TMTC2: variants seen among roughly 807,000 people sequenced by gnomAD.
TMTC2 encodes the protein transmembrane O-mannosyltransferase targeting cadherins 2, also known as protein O-mannosyl-transferase TMTC2.
In TMTC2, 43 loss-of-function variants were observed where a neutral mutation model predicts 82.4. That is an observed-to-expected ratio of 0.52 (90% confidence interval 0.41 to 0.67). The LOEUF (loss-of-function observed/expected upper bound fraction) is 0.67, where lower values mean the gene tolerates loss of function less well. Among genes scored for constraint, TMTC2 ranks in the 30% least tolerant of loss-of-function variants. The pLI is 0.00. For missense variants in TMTC2, 919 were observed against 1,012.4 expected, an observed-to-expected ratio of 0.91 and a Z score of 1.25; for synonymous variants, 408 against 381.9, an observed-to-expected ratio of 1.07 and a Z score of -0.80.
At chr12:82,790,843 G>GAAAGAA (rs1023494871) in intron 1 of TMTC2, among the ~76,000 whole-genome samples, 3 of 147,872 alleles carry the variant, frequency 2.0e-5, no homozygotes, top group Admixed American at 6.8e-5. Context: ...AAAAAAAAAA[G>GAAAGAA]AAAGAAAAAG....
intron 1 of TMTC2, among the ~76,000 whole-genome samples, chr12:82,765,499 A>T (rs1413038207): frequency 1.3e-5 from 2 of 151,806 alleles, no homozygotes; most frequent in African/African-American, 4.8e-5. Context: ...ACATCAAGAA[A>T]CCCCGTCTCT....
chr12:82,929,769 G>T (rs2137241915), intron 3 of TMTC2, among the ~76,000 whole-genome samples: 1 of 152,180 alleles, frequency 6.6e-6, no homozygotes. Context: ...TGTGCCTTTT[G>T]TTATTTTTAA....
chr12:82,975,653 G>A (rs891208055), intron 7 of TMTC2, among the ~76,000 whole-genome samples: 1 of 151,960 alleles, frequency 6.6e-6, no homozygotes, highest in African/African-American at 2.4e-5. Context: ...ATTATTCATT[G>A]CCTATTATGG....
intron 4 of TMTC2, among the ~76,000 whole-genome samples, chr12:82,931,916 C>T (rs755343437): frequency 1.6e-4 from 25 of 152,050 alleles, no homozygotes; most frequent in South Asian, 2.1e-4. Context: ...GGAGGGGCAA[C>T]GAGTCACTTC....
intron 2 of TMTC2, among the ~76,000 whole-genome samples, chr12:82,866,291 T>G (rs1871858424): frequency 6.6e-6 from 1 of 151,468 alleles, no homozygotes; most frequent in Non-Finnish European, 1.5e-5. Context: ...CCTGTGTCCC[T>G]TCTCCCAACC....
At chr12:83,125,599 G>C (rs1393092064) in intron 11 of TMTC2, among the ~76,000 whole-genome samples, 2 of 152,134 alleles carry the variant, frequency 1.3e-5, no homozygotes, top group African/African-American at 4.8e-5. Flanking sequence ...CCCAATCTCA[G>C]ATTTTAGCTT....
At chr12:82,989,877 C>T (rs1361471978) in intron 8 of TMTC2, among the ~76,000 whole-genome samples, 1 of 151,754 alleles carries the variant, frequency 6.6e-6, no homozygotes, top group Non-Finnish European at 1.5e-5. Flanking sequence ...TTCCGACTTG[C>T]TGATTAGATG....
chr12:82,733,005 CTAATATA>C (rs1874906792), intron 1 of TMTC2, among the ~76,000 whole-genome samples: 1 of 152,164 alleles, frequency 6.6e-6, no homozygotes. Flanking sequence ...TAGGCATTGA[CTAATATA>C]TAAGACATCT....
chr12:82,921,470 A>T (rs1022644835), intron 3 of TMTC2, among the ~76,000 whole-genome samples: 1 of 152,128 alleles, frequency 6.6e-6, no homozygotes, highest in African/African-American at 2.4e-5. Flanking sequence ...TGTTATTTTT[A>T]TTATAATTTT....
intron 1 of TMTC2, among the ~76,000 whole-genome samples, chr12:82,772,668 A>G (rs1417040504): frequency 6.6e-6 from 1 of 152,200 alleles, no homozygotes; most frequent in Non-Finnish European, 1.5e-5. Context: ...CTTAGAGTTA[A>G]TTATCCCTGT....
intron 11 of TMTC2, among the ~76,000 whole-genome samples, chr12:83,065,287 A>T (rs1236979288): frequency 6.6e-6 from 1 of 151,932 alleles, no homozygotes; most frequent in East Asian, 1.9e-4. Context: ...TTTTCCACAT[A>T]ATTTACTTTG....
At chr12:82,843,236 G>C (rs758629750) in intron 1 of TMTC2, among the ~76,000 whole-genome samples, 3 of 151,938 alleles carry the variant, frequency 2.0e-5, no homozygotes, top group African/African-American at 4.8e-5. Context: ...ACAGGTGCCC[G>C]CCACCACGCC....
At chr12:82,980,656 TC>T (rs1341671520) in intron 7 of TMTC2, among the ~76,000 whole-genome samples, 12 of 151,708 alleles carry the variant, frequency 7.9e-5, no homozygotes, top group Admixed American at 2.0e-4. Context: ...AATAGGCTTT[TC>T]CCCCCATGAG....
intron 1 of TMTC2, among the ~76,000 whole-genome samples, chr12:82,856,412 T>A (rs1170682455): frequency 6.6e-6 from 1 of 152,108 alleles, no homozygotes; most frequent in African/African-American, 2.4e-5. Context: ...CCCTTAATAC[T>A]CAACATGTGG....
At chr12:82,715,694 AAG>A (rs1873862905) in intron 1 of TMTC2, among the ~76,000 whole-genome samples, 2 of 152,186 alleles carry the variant, frequency 1.3e-5, no homozygotes, top group South Asian at 4.1e-4. Flanking sequence ...TCTGCCTTGA[AAG>A]AGAGAGAATT....
At chr12:83,040,601 C>T (rs946149634) in intron 9 of TMTC2, among the ~76,000 whole-genome samples, 7 of 57,236 alleles carry the variant, frequency 1.2e-4, no homozygotes, top group African/African-American at 4.5e-4. Context: ...ACCAGAGTGG[C>T]CTTGCTGCAG....
At chr12:82,803,696 A>G (rs568714886) in intron 1 of TMTC2, among the ~76,000 whole-genome samples, 24 of 152,164 alleles carry the variant, frequency 1.6e-4, no homozygotes, top group African/African-American at 5.5e-4. Flanking sequence ...TCACCTCCCA[A>G]ATGTTAGCAG....
chr12:82,757,954 G>T (rs766351138), intron 1 of TMTC2, among the ~76,000 whole-genome samples: 3 of 152,118 alleles, frequency 2.0e-5, no homozygotes, highest in Non-Finnish European at 4.4e-5. Flanking sequence ...AAAGGATTAC[G>T]TGAGACTCTT....
At chr12:82,864,651 A>G (rs974848607) in intron 2 of TMTC2, among the ~76,000 whole-genome samples, 7 of 150,854 alleles carry the variant, frequency 4.6e-5, no homozygotes, top group African/African-American at 1.7e-4. Flanking sequence ...ACAGGCACAC[A>G]CCACCATGCC....
Sources: gnomAD v4.1 joint callset for allele counts (sites outside exome capture counted in the v4.1 genomes callset) on GRCh38, gnomAD v4.1.1 for gene constraint, MANE v1.5 for transcripts, NCBI Gene and HGNC (gene_info 2026-07-23, HGNC 2026-07-21) for gene names.